Variants in SLC5A1 observed in about 807,000 individuals in gnomAD.
SLC5A1 encodes the protein solute carrier family 5 member 1.
Under a neutral mutation model 73.5 loss-of-function variants are expected in SLC5A1, and 42 were observed. The observed-to-expected ratio is 0.57, with a 90% CI of 0.45 to 0.74. SLC5A1 has a LOEUF of 0.74. Among genes scored for constraint, SLC5A1 ranks in the 30% least tolerant of loss-of-function variants. The pLI, the probability that SLC5A1 is intolerant of heterozygous loss-of-function variation, is 0.00. For synonymous variants in SLC5A1, 300 were observed against 317.4 expected (o/e 0.95, Z 0.58); for missense variants, 634 against 855.4 (o/e 0.74, Z 3.23).
intron 10 of SLC5A1, among the ~76,000 whole-genome samples, chr22:32,087,569 T>C (rs1158082465): frequency 1.3e-5 from 2 of 152,110 alleles, no homozygotes; most frequent in Admixed American, 6.5e-5. Context: ...AGGCGGCTTG[T>C]CACCATAAAG....
chr22:32,052,697 G>C (rs1035917692), intron 2 of SLC5A1, among the ~76,000 whole-genome samples: 2 of 152,072 alleles, frequency 1.3e-5, no homozygotes, highest in Non-Finnish European at 2.9e-5. Flanking sequence ...CCTGTGATGA[G>C]AGCTAGGCCT....
chr22:32,076,559 T>C (rs910596112), intron 5 of SLC5A1, among the ~76,000 whole-genome samples: 1 of 152,224 alleles, frequency 6.6e-6, no homozygotes, highest in African/African-American at 2.4e-5. Context: ...TTTTGGATCC[T>C]TGGGTGAAAA....
chr22:32,068,951 G>A (rs983116722), intron 5 of SLC5A1, among the ~76,000 whole-genome samples: 2 of 152,088 alleles, frequency 1.3e-5, no homozygotes, highest in Non-Finnish European at 2.9e-5. Flanking sequence ...TATCGAAGAG[G>A]TATCTGCACT....
intron 2 of SLC5A1, among the ~76,000 whole-genome samples, chr22:32,053,844 G>T (rs1049333774): frequency 3.9e-5 from 6 of 152,158 alleles, no homozygotes; most frequent in African/African-American, 1.4e-4. Context: ...TATAGTTAAT[G>T]CTGTCCAAGG....
intron 7 of SLC5A1, 61 bp from the exon 8 acceptor site, chr22:32,084,378 A>G (rs2094004587): frequency 1.4e-6 from 2 of 1,459,898 alleles, no homozygotes; most frequent in South Asian, 2.3e-5. Context: ...ATCTATGGAA[A>G]GAAGCTGCTA....
Position 32,059,220 on chromosome 22 carries a change from G to T in SLC5A1, c.208-7715G>T. ...CACTCCTGCCTGGGCGACAGAAAAAGACTCTGTCCCAAAAGTGGGCTCTTT... is the reference window on the plus strand; with the variant it reads ...CACTCCTGCCTGGGCGACAGAAAAATACTCTGTCCCAAAAGTGGGCTCTTT... On this transcript the variant is annotated intron_variant, in intron 2 of 14. Transcript: ENST00000266088. 11 of 985,332 alleles carry T rather than the reference G, an allele frequency of 1.1e-5. 1 individual carries two copies. The South Asian group carries it at 5.2e-4, about 46-fold the overall frequency. The allele number at this position is 985,332 out of a possible 1,614,324, so 61.0% of individuals were successfully genotyped here. A position where few individuals can be genotyped will look rare whatever the true frequency, so the allele number is the denominator to read the frequency against.
At position 32,112,795 on chromosome 22, in the gene SLC5A1, C is replaced by T. The variant is rs567707558; in HGVS notation, c.*2582C>T. On this transcript the variant is annotated 3_prime_UTR_variant, in exon 15 of 15. Transcript: ENST00000266088. ...AAGGTTTAGTTAGGTGGAATAAGTT[C>T]AGAAAATCAATTGTACAATGTATCA... is the stretch of plus-strand genomic sequence containing the variant. 6.6e-6 allele frequency: 1 copy of T among 152,064 alleles called. No homozygotes were observed. Among genetic ancestry groups the T allele is most frequent in the Admixed American group, 6.5e-5 (1 of 15,268 alleles). 9.4% of individuals were successfully genotyped at this position (152,064 alleles called of 1,614,324 possible).
chr22:32,102,826 T>C (rs945743380), intron 13 of SLC5A1, among the ~76,000 whole-genome samples: 4 of 152,222 alleles, frequency 2.6e-5, no homozygotes, highest in African/African-American at 9.6e-5. Context: ...CATGAGAAAT[T>C]TGTCTTTTTA....
chr22:32,066,859 C>G lies in SLC5A1; in HGVS notation c.208-76C>G, dbSNP rs1228630418. 20 of 997,412 alleles carry G rather than the reference C, an allele frequency of 2.0e-5. 1 individual carries two copies. The African/African-American group carries it at 2.8e-4, about 14-fold the overall frequency. The allele number at this position is 997,412 out of a possible 1,614,324, so 61.8% of individuals were successfully genotyped here. ...CTTGTCCTTCTCTTGGCTGACATGT[C>G]TCCTCTCTCTTTGACCCACTCTGAG... On this transcript the variant is annotated intron_variant, in intron 2 of 14. Coordinates refer to ENST00000266088, the MANE Select transcript of SLC5A1 (RefSeq NM_000343.4).
At position 32,104,812 on chromosome 22, in the gene SLC5A1, C is replaced by T. The variant is rs2094042357; in HGVS notation, c.1692C>T (p.Arg564=). 6.2e-7 allele frequency: 1 copy of T among 1,613,958 alleles called. No individual in the cohort carries two copies. The highest frequency in any genetic ancestry group is 1.7e-5 in the Admixed American group (1 of 59,990). The change falls in exon 14 of 15, where the codon CGC becomes CGT. Residue 564 remains arginine (R), a synonymous_variant. Transcript: ENST00000266088. Reference sequence around the variant, plus strand: ...TCTACCGTCTGTGTTGGAGCCTGCGCAACAGCAAAGAGGAGCGTATTGACC... The same window carrying T: ...TCTACCGTCTGTGTTGGAGCCTGCGTAACAGCAAAGAGGAGCGTATTGACC... ...VHLYRLCWSL[R]NSKEERIDLD...
intron 12 of SLC5A1, among the ~76,000 whole-genome samples, chr22:32,101,720 A>T (rs2094036587): frequency 6.6e-6 from 1 of 152,208 alleles, no homozygotes; most frequent in Non-Finnish European, 1.5e-5. Context: ...TCAAGTCTGT[A>T]GGTTGACATT....
chr22:32,067,929 T>C (rs976703964), intron 3 of SLC5A1, 38 bp from the exon 4 acceptor site: 1 of 1,611,902 alleles, frequency 6.2e-7, no homozygotes, highest in Admixed American at 1.7e-5. Flanking sequence ...GGGCTAAGTT[T>C]CCTCCTAATT....
intron 5 of SLC5A1, among the ~76,000 whole-genome samples, chr22:32,081,309 T>C (rs1469414907): frequency 2.0e-5 from 3 of 152,150 alleles, no homozygotes; most frequent in African/African-American, 7.2e-5. Flanking sequence ...TAAGAGGTGC[T>C]TGGTGATGTT....
chr22:32,055,515 C>G (rs1227617122), intron 2 of SLC5A1, among the ~76,000 whole-genome samples: 1 of 152,194 alleles, frequency 6.6e-6, no homozygotes, highest in Admixed American at 6.5e-5. Flanking sequence ...AAACATGACA[C>G]AGATGAGCAC....
chr22:32,043,349 T>A lies in SLC5A1; in HGVS notation c.68T>A (p.Ile23Asn). 1.2e-6 allele frequency: 2 copies of A among 1,614,106 alleles called. No individual in the cohort carries two copies. Among genetic ancestry groups the A allele is most frequent in the Non-Finnish European group, 1.7e-6 (2 of 1,179,998 alleles). ...CGGCCTGTTGAGACCCACGAGCTCA[T>A]TCGCAATGCAGCCGATATCTCCATC... ...VTRPVETHEL[I>N]RNAADISIIV... The change falls in exon 1 of 15, where the codon ATT becomes AAT. Residue 23 changes from isoleucine (I) to asparagine (N), a missense_variant. This residue lies in a region of SLC5A1 where 51 missense variants were observed against 50.5 expected (regional missense o/e 1.01). Transcript: ENST00000266088. The surrounding 1 kb of genome is among the most constrained non-coding windows in gnomAD (Gnocchi z 6.5).
intron 11 of SLC5A1, among the ~76,000 whole-genome samples, chr22:32,092,770 G>T (rs959751372): frequency 6.6e-6 from 1 of 152,170 alleles, no homozygotes; most frequent in Non-Finnish European, 1.5e-5. Context: ...CGTTTACTCT[G>T]CTAACTGTTC....
chr22:32,060,066 CA>C (rs1289113403), intron 2 of SLC5A1, among the ~76,000 whole-genome samples: 1 of 145,932 alleles, frequency 6.9e-6, no homozygotes, highest in Non-Finnish European at 1.5e-5. Context: ...TATACACACA[CA>C]TATATATATA....
At chr22:32,082,984 C>A in intron 6 of SLC5A1, 90 bp from the exon 7 acceptor site, 3 of 888,006 alleles carry the variant, frequency 3.4e-6, no homozygotes, top group Non-Finnish European at 3.3e-6. Context: ...AGAAGGCCAG[C>A]AGAAGTAGAG....
chr22:32,046,579 G>A (rs2093937470), intron 1 of SLC5A1, among the ~76,000 whole-genome samples: 1 of 152,112 alleles, frequency 6.6e-6, no homozygotes, highest in Non-Finnish European at 1.5e-5. Context: ...TTGTCTGGTT[G>A]TGTCCTATGT....
Sources: gnomAD v4.1 joint callset for allele counts (sites outside exome capture counted in the v4.1 genomes callset) on GRCh38, gnomAD v4.1.1 for gene constraint, gnomAD v4.1.1 regional missense constraint, Gnocchi (gnomAD v3.1) non-coding constraint, MANE v1.5 for transcripts, NCBI Gene and HGNC (gene_info 2026-07-23, HGNC 2026-07-21) for gene names.